The following ROR1 variants were observed in gnomAD, a reference collection of about 807,000 sequenced individuals.
The protein encoded by ROR1 is inactive tyrosine-protein kinase transmembrane receptor ROR1.
A neutral mutation model predicts 78.8 loss-of-function variants in ROR1; 19 were observed. That is an observed-to-expected ratio of 0.24 (90% CI 0.17 to 0.35). The LOEUF (loss-of-function observed/expected upper bound fraction) is 0.35. Ranked by LOEUF, ROR1 falls within the 10% of genes least tolerant of loss-of-function variation. ROR1 has a pLI of 1.00. For missense variants in ROR1, 917 were observed against 1,177.8 expected, an observed-to-expected ratio of 0.78 and a Z score of 3.24; for synonymous variants, 386 against 433.6, an observed-to-expected ratio of 0.89 and a Z score of 1.36.
intron 1 of ROR1, among the ~76,000 whole-genome samples, chr1:63,882,034 C>G (rs1569857502): frequency 6.6e-6 from 1 of 152,270 alleles, no homozygotes; most frequent in South Asian, 2.1e-4. Flanking sequence ...ATATAGGATA[C>G]TCTGGGAACA....
intron 4 of ROR1, among the ~76,000 whole-genome samples, chr1:64,120,164 T>C (rs1213885559): frequency 1.3e-5 from 2 of 152,182 alleles, no homozygotes; most frequent in Non-Finnish European, 2.9e-5. Flanking sequence ...CTGATGATGA[T>C]TATTATTAAT....
rs115073227 is a variant in ROR1, at chr1:63,830,932, C to G, written c.91+56424C>G. On this transcript the variant is annotated intron_variant, in intron 1 of 8. Coordinates refer to ENST00000371079, the MANE Select transcript of ROR1 (RefSeq NM_005012.4). ...TCCGAATAGGAGAAATTGGTCAAAA[C>G]AAAGGGGCTGCAGGCCCTGCACCAA... Among the ~76,000 whole-genome samples the G allele has an allele frequency of 2.0e-3, 300 of 152,288 alleles. 1 individual carries two copies. The highest frequency in any genetic ancestry group is 6.8e-3 in the African/African-American group (281 of 41,578).
At chr1:64,095,966 TA>T (rs1647287650) in intron 4 of ROR1, among the ~76,000 whole-genome samples, 2 of 152,204 alleles carry the variant, frequency 1.3e-5, no homozygotes, top group South Asian at 4.1e-4. Flanking sequence ...ATATTCTAAA[TA>T]AACCTCTTAA....
At chr1:64,130,626 T>A (rs1648881063) in intron 4 of ROR1, among the ~76,000 whole-genome samples, 1 of 152,176 alleles carries the variant, frequency 6.6e-6, no homozygotes, top group Non-Finnish European at 1.5e-5. Context: ...AGCAGTTAAC[T>A]AAGGTTGCTT....
At chr1:63,978,636 A>G (rs79270621) in intron 1 of ROR1, among the ~76,000 whole-genome samples, 1,985 of 152,316 alleles carry the variant, frequency 0.013, 43 homozygotes, top group African/African-American at 0.046. Flanking sequence ...TATGATCCAG[A>G]AATTTCACTT....
At chr1:63,941,626 G>A (rs372467595) in intron 1 of ROR1, among the ~76,000 whole-genome samples, 1 of 152,238 alleles carries the variant, frequency 6.6e-6, no homozygotes, top group East Asian at 1.9e-4. Context: ...GCATTATAGG[G>A]TTGTGTGCAT....
intron 8 of ROR1, among the ~76,000 whole-genome samples, chr1:64,159,607 A>G (rs4619009): frequency 0.33 from 50,209 of 152,084 alleles, 8,703 homozygotes; most frequent in Middle Eastern, 0.42. Flanking sequence ...GTTGCATAAT[A>G]TGCAAATAGT....
intron 1 of ROR1, among the ~76,000 whole-genome samples, chr1:63,832,282 A>G (rs995564845): frequency 1.3e-5 from 2 of 152,198 alleles, no homozygotes; most frequent in Admixed American, 6.5e-5. Flanking sequence ...AGATATCTCT[A>G]TAGCAATGCC....
chr1:63,861,386 T>C (rs1199101638), intron 1 of ROR1, among the ~76,000 whole-genome samples: 1 of 152,232 alleles, frequency 6.6e-6, no homozygotes, highest in Non-Finnish European at 1.5e-5. Flanking sequence ...AGTCATTCCT[T>C]TGGTTTTCCC....
At chr1:63,956,012 C>T (rs906584576) in intron 1 of ROR1, among the ~76,000 whole-genome samples, 16 of 152,194 alleles carry the variant, frequency 1.1e-4, no homozygotes, top group Non-Finnish European at 8.8e-5. Flanking sequence ...TGGTGACTCG[C>T]TCTGCTGGCC....
intron 1 of ROR1, among the ~76,000 whole-genome samples, chr1:63,908,987 G>C (rs1645548518): frequency 6.6e-6 from 1 of 152,178 alleles, no homozygotes; most frequent in Non-Finnish European, 1.5e-5. Context: ...TTGGCCAAGG[G>C]GAGATAGAAG....
intron 1 of ROR1, among the ~76,000 whole-genome samples, chr1:63,843,988 TGACACCAAAGG>T (rs577593496): frequency 1.6e-4 from 24 of 152,316 alleles, no homozygotes; most frequent in African/African-American, 5.8e-4. Context: ...CTCCTTAGCA[TGACACCAAAGG>T]GATTTTCAGA....
Position 64,018,537 on chromosome 1 carries a change from C to T in ROR1, c.163+9161C>T, listed in dbSNP as rs915506420. On this transcript the variant is annotated intron_variant, in intron 2 of 8. Coordinates refer to ENST00000371079, the MANE Select transcript of ROR1 (RefSeq NM_005012.4). ...ATGCTTGTTTGCATGTATGTTCTTCCTCTTCTTCTCCCCATTCTTCTTCTT... is the reference window on the plus strand; with the variant it reads ...ATGCTTGTTTGCATGTATGTTCTTCTTCTTCTTCTCCCCATTCTTCTTCTT... Among the ~76,000 whole-genome samples the T allele has an allele frequency of 2.3e-4, 35 of 152,102 alleles. 1 individual carries two copies. The highest frequency in any genetic ancestry group is 5.9e-5 in the Non-Finnish European group (4 of 68,036).
At chr1:63,776,215 G>T (rs368105685) in intron 1 of ROR1, among the ~76,000 whole-genome samples, 1 of 152,216 alleles carries the variant, frequency 6.6e-6, no homozygotes, top group East Asian at 1.9e-4. Flanking sequence ...ATAGCCCCTT[G>T]TGGGGGTGGG....
At chr1:64,040,022 T>G (rs771857070) in intron 2 of ROR1, among the ~76,000 whole-genome samples, 6 of 152,212 alleles carry the variant, frequency 3.9e-5, no homozygotes, top group Non-Finnish European at 5.9e-5. Flanking sequence ...TAATAGCTGG[T>G]GGTTTTGTTA....
At chr1:63,995,445 A>G (rs138908794) in intron 1 of ROR1, among the ~76,000 whole-genome samples, 2 of 152,324 alleles carry the variant, frequency 1.3e-5, no homozygotes, top group African/African-American at 4.8e-5. Context: ...GATGACTCTA[A>G]TAGGCAGTTC....
intron 1 of ROR1, among the ~76,000 whole-genome samples, chr1:63,903,556 A>C (rs1645502743): frequency 6.6e-6 from 1 of 151,750 alleles, no homozygotes; most frequent in African/African-American, 2.4e-5. Flanking sequence ...TGTCCCTCTC[A>C]TCTTCCTTCT....
At chr1:64,056,795 A>ATAT (rs1646879368) in intron 4 of ROR1, among the ~76,000 whole-genome samples, 1 of 152,000 alleles carries the variant, frequency 6.6e-6, no homozygotes, top group Non-Finnish European at 1.5e-5. Context: ...TTTCATGTGC[A>ATAT]TATTGGCCAT....
intron 1 of ROR1, among the ~76,000 whole-genome samples, chr1:63,818,207 A>G (rs988966022): frequency 7.9e-5 from 12 of 152,190 alleles, no homozygotes; most frequent in Admixed American, 5.2e-4. Context: ...GGCCTGGGGA[A>G]GGAAAGGATC....
Sources: gnomAD v4.1 joint callset for allele counts (sites outside exome capture counted in the v4.1 genomes callset) on GRCh38, gnomAD v4.1.1 for gene constraint, MANE v1.5 for transcripts, NCBI Gene and HGNC (gene_info 2026-07-23, HGNC 2026-07-21) for gene names.